Variants in CEP63 observed in about 807,000 individuals in gnomAD.
CEP63 encodes centrosomal protein 63.
CEP63 carries 84 observed loss-of-function variants against 89.1 expected under a neutral mutation model. The observed-to-expected ratio is 0.94, with a 90% confidence interval of 0.79 to 1.13. The LOEUF (loss-of-function observed/expected upper bound fraction) is 1.13. CEP63 is among the 50% of genes most tolerant of loss of function. The probability of loss-of-function intolerance (pLI) is 0.00; values close to 1 mark genes in which losing one functional copy is unlikely to be tolerated. For missense variants in CEP63, 838 were observed against 813.3 expected, an observed-to-expected ratio of 1.03 and a Z score of -0.37; for synonymous variants, 267 against 272.5, an observed-to-expected ratio of 0.98 and a Z score of 0.20.
At chr3:134,770,981 C>T in the CEP63 span, among the ~76,000 whole-genome samples, 2 of 152,134 alleles carry the variant, frequency 1.3e-5, no homozygotes, top group East Asian at 1.9e-4. Flanking sequence ...CCTTAGCAAC[C>T]GTCTCCAAAT....
chr3:134,759,035 A>C, the CEP63 span, among the ~76,000 whole-genome samples: 7 of 152,298 alleles, frequency 4.6e-5, no homozygotes, highest in African/African-American at 1.7e-4. Flanking sequence ...TGAAAGCAGA[A>C]GAAGGGACCA....
the CEP63 span, among the ~76,000 whole-genome samples, chr3:134,652,919 G>C: frequency 6.6e-6 from 1 of 152,108 alleles, no homozygotes; most frequent in African/African-American, 2.4e-5. Context: ...GGTGATGGTG[G>C]GGGGAGCTGA....
the CEP63 span, among the ~76,000 whole-genome samples, chr3:134,771,373 C>A: frequency 1.3e-5 from 2 of 152,324 alleles, no homozygotes; most frequent in African/African-American, 4.8e-5. Context: ...AAACCAAAGA[C>A]TACATGTTCT....
intron 3 of CEP63, among the ~76,000 whole-genome samples, chr3:134,523,012 C>T (rs1947823460): frequency 6.6e-6 from 1 of 152,142 alleles, no homozygotes; most frequent in South Asian, 2.1e-4. Context: ...ATTTACACTT[C>T]CACCAACAGT....
chr3:134,768,662 C>T, the CEP63 span, among the ~76,000 whole-genome samples: 1 of 152,170 alleles, frequency 6.6e-6, no homozygotes, highest in Non-Finnish European at 1.5e-5. Context: ...CACTGGAAAG[C>T]ACTACTAAAT....
At chr3:134,670,116 G>A in the CEP63 span, among the ~76,000 whole-genome samples, 1 of 152,136 alleles carries the variant, frequency 6.6e-6, no homozygotes, top group East Asian at 1.9e-4. Flanking sequence ...TCAGCCTCTA[G>A]AACTATGAGA....
intron 2 of CEP63, among the ~76,000 whole-genome samples, chr3:134,502,706 C>CT (rs955181751): frequency 2.0e-5 from 3 of 151,562 alleles, no homozygotes; most frequent in Non-Finnish European, 2.9e-5. Flanking sequence ...TTGGATCTTC[C>CT]TTTTTTTTGG....
chr3:134,657,874 T>C, the CEP63 span, among the ~76,000 whole-genome samples: 1 of 152,176 alleles, frequency 6.6e-6, no homozygotes, highest in East Asian at 1.9e-4. Flanking sequence ...ATAATTGATA[T>C]ATGGTAACCT....
At chr3:134,538,531 G>GTATATATATATATATATA (rs138354332) in intron 6 of CEP63, among the ~76,000 whole-genome samples, 6 of 99,656 alleles carry the variant, frequency 6.0e-5, no homozygotes, top group Non-Finnish European at 8.7e-5. Context: ...TTGTGTGTGT[G>GTATATATATATATATATA]TGTATATATA....
At chr3:134,578,057 A>G (rs984575715), downstream of CEP63, among the ~76,000 whole-genome samples, 2 of 152,104 alleles carry the variant, frequency 1.3e-5, no homozygotes, top group East Asian at 1.9e-4. Flanking sequence ...TGTCTTTGCT[A>G]TTGTAAACAG....
intron 12 of CEP63, among the ~76,000 whole-genome samples, chr3:134,557,785 A>G (rs1010813390): frequency 6.6e-6 from 1 of 152,078 alleles, no homozygotes; most frequent in Non-Finnish European, 1.5e-5. Flanking sequence ...TTTCATTAGT[A>G]TTCTGGGGCT....
Position 134,547,359 on chromosome 3 carries a change from A to G in CEP63, c.954A>G (p.Glu318=). The G allele has an allele frequency of 6.2e-7, 1 of 1,613,744 alleles. No homozygotes were observed. Among genetic ancestry groups the G allele is most frequent in the Non-Finnish European group, 8.5e-7 (1 of 1,179,704 alleles). ...AIRPREESLA[E]KKYTSQGQGD... is the part of the protein sequence containing the mutation. ...GGCCACGGGAAGAATCTCTGGCAGA[A>G]AAGAAGTACACCTCTCAAGGGCAGG... The change falls in exon 9 of 15, where the codon GAA becomes GAG. Residue 318 remains glutamate, a synonymous_variant. Transcript: ENST00000675561.
At chr3:134,676,582 G>A in the CEP63 span, among the ~76,000 whole-genome samples, 1 of 152,264 alleles carries the variant, frequency 6.6e-6, no homozygotes, top group South Asian at 2.1e-4. Context: ...GAATTTTATG[G>A]TATGTGAACC....
At chr3:134,489,319 C>G (rs1372113777) in intron 1 of CEP63, among the ~76,000 whole-genome samples, 3 of 152,134 alleles carry the variant, frequency 2.0e-5, no homozygotes, top group South Asian at 4.2e-4. Flanking sequence ...GCTCTAGAAG[C>G]CTGATGAGAT....
At chr3:134,519,564 A>C (rs371610693) in intron 3 of CEP63, among the ~76,000 whole-genome samples, 1 of 152,250 alleles carries the variant, frequency 6.6e-6, no homozygotes, top group South Asian at 2.1e-4. Flanking sequence ...TCCAGAGAAC[A>C]GAAGAAAAGA....
chr3:134,608,238 G>C, the CEP63 span: 1 of 1,191,898 alleles, frequency 8.4e-7, no homozygotes, highest in Non-Finnish European at 1.1e-6. Context: ...GAGCCCAGAG[G>C]CTATGTGTAG....
chr3:134,743,407 T>C, the CEP63 span, among the ~76,000 whole-genome samples: 2 of 152,152 alleles, frequency 1.3e-5, no homozygotes, highest in African/African-American at 4.8e-5. Context: ...AAAGGCAGGC[T>C]GGGAGGGCTC....
At chr3:134,646,676 G>A in the CEP63 span, among the ~76,000 whole-genome samples, 3 of 152,154 alleles carry the variant, frequency 2.0e-5, no homozygotes, top group East Asian at 1.9e-4. Context: ...TTGTGTCATG[G>A]AGGGTGGTTC....
chr3:134,559,201 A>G lies in CEP63; in HGVS notation c.1725A>G (p.Lys575=). The G allele has an allele frequency of 6.2e-7, 1 of 1,614,170 alleles. No homozygotes were observed. The highest frequency in any genetic ancestry group is 2.2e-5 in the East Asian group (1 of 44,884). ...ATGGAATAAAGACTGAGCACTACAA[A>G]ACAGATCTTCATTCTCCAAGAGGAC... ...RHDGIKTEHY[K]TDLHSPRGQA... is the part of the protein sequence containing the mutation. Residue 575 remains lysine (K), a synonymous_variant, in exon 14 of 15, where the codon AAA becomes AAG. Transcript: ENST00000675561.
Sources: gnomAD v4.1 joint callset for allele counts (sites outside exome capture counted in the v4.1 genomes callset) on GRCh38, gnomAD v4.1.1 for gene constraint, MANE v1.5 for transcripts, NCBI Gene and HGNC (gene_info 2026-07-23, HGNC 2026-07-21) for gene names.